The following HLA-DPA1 variants were observed in gnomAD, a reference collection of about 807,000 sequenced individuals.
HLA-DPA1 encodes the protein HLA class II histocompatibility antigen, DP alpha 1 chain.
Under a neutral mutation model 21.5 loss-of-function variants are expected in HLA-DPA1, and 20 were observed. That is an observed-to-expected ratio of 0.93 (90% confidence interval 0.66 to 1.35). The LOEUF (loss-of-function observed/expected upper bound fraction) is 1.35, where lower values mean the gene tolerates loss of function less well. Ranked by LOEUF, HLA-DPA1 falls within the 40% of genes most tolerant of loss-of-function variation. The pLI is 0.00. For missense variants in HLA-DPA1, 279 were observed against 323.0 expected, an observed-to-expected ratio of 0.86 and a Z score of 1.05; for synonymous variants, 123 against 129.6, an observed-to-expected ratio of 0.95 and a Z score of 0.35.
rs1762781530 is a variant in HLA-DPA1, at chr6:33,080,541, G to T, written c.-100+139C>A. The stretch of plus-strand genomic sequence containing the variant: ...CTTAGGACCACAGAACTCGGTACTA[G>T]GAAAACTCCTATTTTAAAATCCAGC... On this transcript the variant is annotated intron_variant, in intron 1 of 5. Coordinates refer to ENST00000419277, the Ensembl canonical transcript of HLA-DPA1. This position sits in a 1 kb window ranked among gnomAD's most constrained non-coding sequence, Gnocchi z 4.3. 1 of 1,371,038 alleles carries T rather than the reference G, an allele frequency of 7.3e-7. No individual in the cohort carries two copies. 84.9% of individuals were successfully genotyped at this position (1,371,038 alleles called of 1,614,324 possible).
Position 33,080,689 on chromosome 6 carries a change from GGA to G in HLA-DPA1, c.-111_-110del. On this transcript the variant is annotated 5_prime_UTR_variant, in exon 1 of 6. Coordinates refer to ENST00000419277, the Ensembl canonical transcript of HLA-DPA1. This position sits in a 1 kb window ranked among gnomAD's most constrained non-coding sequence, Gnocchi z 4.3. ...CCCCGCAGAGAATTACCTTTTCCAG[GGA>G]CGGCAGGAATGCTACGCGTTTAATG... 1 of 1,611,520 alleles carries G rather than the reference GGA, an allele frequency of 6.2e-7. No individual in the cohort carries two copies. Among genetic ancestry groups the G allele is most frequent in the Non-Finnish European group, 8.5e-7 (1 of 1,178,526 alleles).
At chr6:33,069,285 G>A in exon 4 of HLA-DPA1, 1 of 1,612,830 alleles carries the variant, frequency 6.2e-7, no homozygotes. Flanking sequence ...GGGAAACACG[G>A]TCACCTCAGG....
exon 2 of HLA-DPA1, chr6:33,073,486 C>T (rs756626028): frequency 6.2e-7 from 1 of 1,612,006 alleles, no homozygotes; most frequent in Non-Finnish European, 8.5e-7. Context: ...ATGGCCCCAG[C>T]TCCTCGGAGA....
At chr6:33,078,921 G>A (rs1473954412) in intron 1 of HLA-DPA1, among the ~76,000 whole-genome samples, 1 of 152,200 alleles carries the variant, frequency 6.6e-6, no homozygotes, top group African/African-American at 2.4e-5. Context: ...CAGAGGAGGA[G>A]GAATCTGGAC....
chr6:33,075,863 G>T, intron 1 of HLA-DPA1: 1 of 581,098 alleles, frequency 1.7e-6, no homozygotes, highest in Non-Finnish European at 3.1e-6. Flanking sequence ...TGCCTAGTGA[G>T]CAATGACTCA....
intron 1 of HLA-DPA1, chr6:33,076,038 C>T (rs781135433): frequency 2.5e-6 from 4 of 1,609,558 alleles, no homozygotes; most frequent in African/African-American, 2.7e-5. Flanking sequence ...CCTTTTCCAG[C>T]TCCATGATGG....
exon 5 of HLA-DPA1, chr6:33,068,691 G>A (rs1304678498): frequency 6.2e-7 from 1 of 1,613,034 alleles, no homozygotes; most frequent in East Asian, 2.2e-5. Context: ...CCAGAACGCA[G>A]AGACTTTATG....
chr6:33,069,157 C>A (rs775670754), exon 4 of HLA-DPA1: 1 of 1,612,968 alleles, frequency 6.2e-7, no homozygotes, highest in East Asian at 2.2e-5. Context: ...AGGCTCTCAG[C>A]GACACCCTCA....
chr6:33,076,632 G>C (rs950739889), intron 1 of HLA-DPA1, among the ~76,000 whole-genome samples: 2 of 152,164 alleles, frequency 1.3e-5, no homozygotes, highest in Non-Finnish European at 2.9e-5. Context: ...ATTAAGGAGA[G>C]AAGGGAGGGA....
intron 2 of HLA-DPA1, among the ~76,000 whole-genome samples, chr6:33,073,045 T>C (rs1422464027): frequency 1.3e-5 from 2 of 152,098 alleles, no homozygotes; most frequent in African/African-American, 2.4e-5. Context: ...CCCAGAGAGA[T>C]AGGAGGGCCC....
intron 1 of HLA-DPA1, chr6:33,079,717 G>A (rs932044943): frequency 1.2e-5 from 6 of 511,006 alleles, no homozygotes; most frequent in African/African-American, 9.8e-5. Context: ...TGAAAGTGCT[G>A]CTGATGTGCA....
Position 33,065,627 on chromosome 6 carries a change from G to A in HLA-DPA1, c.*13-280C>T, listed in dbSNP as rs573824930. The A allele has an allele frequency of 3.9e-5, 6 of 152,324 alleles. No homozygotes were observed. The East Asian group carries it at 9.6e-4, about 24-fold the overall frequency. The allele number at this position is 152,324 out of a possible 1,614,324, so 9.4% of individuals were successfully genotyped here. ...CCAAAATATACAGACAAGGGGAAGG[G>A]CCACATTACTGAGGGCAGAGAAGAA... On this transcript the variant is annotated intron_variant, in intron 5 of 5. Transcript: ENST00000419277.
chr6:33,076,098 G>C, intron 1 of HLA-DPA1: 1 of 1,612,278 alleles, frequency 6.2e-7, no homozygotes, highest in South Asian at 1.1e-5. Flanking sequence ...CGGCGTTACT[G>C]ATGGTGCTGC....
exon 2 of HLA-DPA1, chr6:33,073,609 C>G (rs1762400009): frequency 6.7e-7 from 1 of 1,483,076 alleles, no homozygotes; most frequent in Admixed American, 1.7e-5. Context: ...AGCACAGGAA[C>G]AGTGATGAGG....
At chr6:33,075,894 G>T in intron 1 of HLA-DPA1, 1 of 622,496 alleles carries the variant, frequency 1.6e-6, no homozygotes, top group South Asian at 2.0e-5. Flanking sequence ...AGTGTCCATT[G>T]GTTCTTTTCT....
chr6:33,072,619 A>C lies in HLA-DPA1; in HGVS notation c.100+852T>G, dbSNP rs146757113. ...TCTTTATTCTACACATCTTAAATAAAACTGTCTGAAGCCAGTGTGCATCTT... is the reference window on the plus strand; with the variant it reads ...TCTTTATTCTACACATCTTAAATAACACTGTCTGAAGCCAGTGTGCATCTT... On this transcript the variant is annotated intron_variant, in intron 2 of 5. Coordinates refer to ENST00000419277, the Ensembl canonical transcript of HLA-DPA1. 3.6e-3 allele frequency among the ~76,000 whole-genome samples: 541 copies of C among 152,324 alleles called. 3 individuals carry two copies. Among genetic ancestry groups the C allele is most frequent in the East Asian group, 0.026 (133 of 5,192 alleles).
chr6:33,071,824 C>T (rs1350528565), intron 2 of HLA-DPA1, among the ~76,000 whole-genome samples: 2 of 152,100 alleles, frequency 1.3e-5, no homozygotes, highest in Non-Finnish European at 2.9e-5. Flanking sequence ...GGAAGACAGC[C>T]TGACCGGGAG....
chr6:33,073,475 G>C (rs1762385608), exon 2 of HLA-DPA1: 2 of 1,609,690 alleles, frequency 1.2e-6, no homozygotes, highest in East Asian at 2.2e-5. Context: ...ACTCACCCTT[G>C]ATGGCCCCAG....
chr6:33,067,815 T>A (rs1365378147), intron 5 of HLA-DPA1: 1 of 151,996 alleles, frequency 6.6e-6, no homozygotes, highest in Admixed American at 6.6e-5. Flanking sequence ...AGGTTAGATA[T>A]GGGAGTAAGG....
Sources: gnomAD v4.1 joint callset for allele counts (sites outside exome capture counted in the v4.1 genomes callset) on GRCh38, gnomAD v4.1.1 for gene constraint, Gnocchi (gnomAD v3.1) non-coding constraint, MANE v1.5 for transcripts, NCBI Gene and HGNC (gene_info 2026-07-23, HGNC 2026-07-21) for gene names.